LATS1: variants seen among roughly 807,000 people sequenced by gnomAD.
LATS1 encodes serine/threonine-protein kinase LATS1.
A neutral mutation model predicts 106.6 loss-of-function variants in LATS1; 25 were observed. The ratio of observed to expected loss-of-function variants is 0.23; its 90% CI spans 0.17 to 0.33. LATS1 has a LOEUF of 0.33. Ranked by LOEUF, LATS1 falls within the 10% of genes least tolerant of loss-of-function variation. The probability of loss-of-function intolerance (pLI) is 1.00; values close to 1 mark genes in which losing one functional copy is unlikely to be tolerated. For synonymous variants in LATS1, 465 were observed against 455.6 expected (o/e 1.02, Z -0.26); for missense variants, 1,040 against 1,382.6 (o/e 0.75, Z 3.93).
rs199594544 is a variant in LATS1 at position 149,676,638 on chromosome 6, G to A, written c.2693C>T (p.Ala898Val). ...TAGACATCGCTGGTGCTGGCGTGCA[G>A]CTCTCCGCTCTAATGGCTTCAGTCT... ...GDRLKPLERR[A>V]ARQHQRCLAH... The change falls in exon 6 of 8, where the codon GCT becomes GTT. Residue 898 changes from alanine (A) to valine (V), a missense_variant. Around this residue, in one of 7 missense-constraint regions of LATS1, gnomAD observed 63 missense variants for 64.3 expected, o/e 0.98. Coordinates refer to ENST00000543571, the MANE Select transcript of LATS1 (RefSeq NM_004690.4). 43 of 1,613,984 alleles carry A rather than the reference G, an allele frequency of 2.7e-5. No individual in the cohort carries two copies. The highest frequency in any genetic ancestry group is 4.0e-5 in the African/African-American group (3 of 74,934).
chr6:149,669,209 C>G (rs1317052018), intron 7 of LATS1, among the ~76,000 whole-genome samples: 1 of 151,864 alleles, frequency 6.6e-6, no homozygotes, highest in Non-Finnish European at 1.5e-5. Context: ...TCTCGGCTCA[C>G]TTCAAGCTCT....
chr6:149,708,275 C>T (rs965875911), intron 1 of LATS1, among the ~76,000 whole-genome samples: 5 of 152,016 alleles, frequency 3.3e-5, no homozygotes, highest in East Asian at 1.9e-4. Flanking sequence ...ATTAGCCGAG[C>T]GTGGTGGCAG....
chr6:149,676,787 C>T, intron 5 of LATS1, 50 bp from the exon 6 acceptor site: 1 of 1,502,456 alleles, frequency 6.7e-7, no homozygotes, highest in Non-Finnish European at 9.1e-7. Flanking sequence ...CAACAGTAAA[C>T]CTGAAGTCTA....
intron 1 of LATS1, among the ~76,000 whole-genome samples, chr6:149,710,647 T>C (rs557719027): frequency 8.5e-5 from 13 of 152,318 alleles, no homozygotes; most frequent in African/African-American, 3.1e-4. Flanking sequence ...AGGAAACAGA[T>C]ACCGGAGGCT....
chr6:149,697,132 T>A (rs780464568), intron 2 of LATS1: 1 of 1,347,386 alleles, frequency 7.4e-7, no homozygotes, highest in African/African-American at 1.5e-5. Context: ...CATTTTTAAA[T>A]GAGAAATGGC....
At chr6:149,696,327 G>A (rs1783062806) in intron 2 of LATS1, among the ~76,000 whole-genome samples, 1 of 150,648 alleles carries the variant, frequency 6.6e-6, no homozygotes, top group Non-Finnish European at 1.5e-5. Flanking sequence ...CCAGCACTCT[G>A]GGAGGCCGAG....
chr6:149,673,132 T>C (rs1455236442), intron 7 of LATS1, among the ~76,000 whole-genome samples: 1 of 148,996 alleles, frequency 6.7e-6, no homozygotes, highest in Non-Finnish European at 1.5e-5. Context: ...GATCTTACTC[T>C]ATTACCCAGG....
chr6:149,676,042 G>A (rs1781703652), intron 7 of LATS1: 1 of 495,818 alleles, frequency 2.0e-6, no homozygotes, highest in South Asian at 2.4e-5. Context: ...TTGTAGAGAT[G>A]TGGTCTCACA....
chr6:149,710,734 T>C (rs1213480831), intron 1 of LATS1, among the ~76,000 whole-genome samples: 1 of 152,226 alleles, frequency 6.6e-6, no homozygotes, highest in Non-Finnish European at 1.5e-5. Flanking sequence ...TTCATACAAC[T>C]ACAAGGTCAG....
Position 149,683,677 on chromosome 6 carries a change from T to C in LATS1, c.1412A>G (p.Asn471Ser), listed in dbSNP as rs1782188202. 6 of 1,614,074 alleles carry C rather than the reference T, an allele frequency of 3.7e-6. No homozygotes were observed. The highest frequency in any genetic ancestry group is 2.2e-5 in the East Asian group (1 of 44,890). The change falls in exon 4 of 8, where the codon AAT becomes AGT. Residue 471 changes from asparagine to serine, a missense_variant. Around this residue, in one of 7 missense-constraint regions of LATS1, gnomAD observed 624 missense variants for 714.8 expected, o/e 0.87. Transcript: ENST00000543571. Reference sequence around the variant, plus strand: ...AGAATTAGCAGAGTGACTTGCTCTATTTCCTAATGGGTTATTAAAAGAATT... The same window carrying C: ...AGAATTAGCAGAGTGACTTGCTCTACTTCCTAATGGGTTATTAAAAGAATT... The part of the protein sequence containing the change: ...RSNSFNNPLG[N>S]RASHSANSQP...
chr6:149,676,729 G>A lies in LATS1; in HGVS notation c.2602C>T (p.Pro868Ser), dbSNP rs572447971. ...DSKYYQSGDH[P>S]RQDSMDFSNE... ...CTGAAATCCATGCTATCTTGCCGTG[G>A]ATGGTCACCTGCACAACAAAAGAAT... The change falls in exon 6 of 8, where the codon CCA (proline) becomes TCA (serine). Residue 868 changes from proline to serine, a missense_variant. By Grantham distance (74) the Pro-to-Ser change is moderately conservative (BLOSUM62 -1). Coordinates refer to ENST00000543571, the MANE Select transcript of LATS1 (RefSeq NM_004690.4). 1.1e-5 allele frequency: 17 copies of A among 1,611,498 alleles called. No homozygotes were observed. In the Admixed American group the frequency reaches 2.5e-4, roughly 24 times the overall value.
At chr6:149,682,286 T>C (rs1048646931) in intron 4 of LATS1, among the ~76,000 whole-genome samples, 1 of 152,138 alleles carries the variant, frequency 6.6e-6, no homozygotes, top group Non-Finnish European at 1.5e-5. Context: ...AAGGGAGATA[T>C]AACTGAAGGA....
intron 2 of LATS1, chr6:149,697,023 C>T: frequency 1.6e-6 from 1 of 616,738 alleles, no homozygotes. Flanking sequence ...TTTATATAAA[C>T]ATAAATCACT....
At chr6:149,706,836 C>T (rs1322267212) in intron 1 of LATS1, among the ~76,000 whole-genome samples, 2 of 152,046 alleles carry the variant, frequency 1.3e-5, no homozygotes, top group East Asian at 1.9e-4. Flanking sequence ...TGATTTTAGA[C>T]GTCTGGCCTC....
chr6:149,701,063 G>A (rs555392564), intron 2 of LATS1, among the ~76,000 whole-genome samples: 2 of 152,270 alleles, frequency 1.3e-5, no homozygotes, highest in South Asian at 2.1e-4. Flanking sequence ...GATTACAGGC[G>A]TGAGCCACTG....
chr6:149,709,837 C>A (rs1021236594), intron 1 of LATS1, among the ~76,000 whole-genome samples: 1 of 151,558 alleles, frequency 6.6e-6, no homozygotes, highest in Non-Finnish European at 1.5e-5. Context: ...TACCATGCCT[C>A]GCTAATTTTT....
At chr6:149,715,414 TTCC>T (rs1784330997) in intron 1 of LATS1, among the ~76,000 whole-genome samples, 1 of 152,178 alleles carries the variant, frequency 6.6e-6, no homozygotes, top group South Asian at 2.1e-4. Flanking sequence ...ATTTAGGTTG[TTCC>T]TCATTTTTTT....
In LATS1 at chr6:149,658,845, G is replaced by T. The variant is rs1318609735; in HGVS notation, c.*2884C>A. Reference sequence around the variant, plus strand: ...CAGTATCTACAATTACATAATTATAGAACACATCTTATAAATACTATTGAT... The same window carrying T: ...CAGTATCTACAATTACATAATTATATAACACATCTTATAAATACTATTGAT... On this transcript the variant is annotated 3_prime_UTR_variant, in exon 8 of 8. Coordinates refer to ENST00000543571, the MANE Select transcript of LATS1 (RefSeq NM_004690.4). 6.6e-6 allele frequency: 1 copy of T among 152,030 alleles called. No individual in the cohort carries two copies. The highest frequency in any genetic ancestry group is 6.6e-5 in the Admixed American group (1 of 15,256). The allele number at this position is 152,030 out of a possible 1,614,324, so 9.4% of individuals were successfully genotyped here.
intron 1 of LATS1, among the ~76,000 whole-genome samples, chr6:149,711,913 GGTGA>G (rs1472078254): frequency 7.9e-5 from 12 of 152,040 alleles, no homozygotes; most frequent in South Asian, 2.1e-4. Flanking sequence ...TGTGTACTGC[GGTGA>G]GTGAGTAAGG....
Sources: allele counts gnomAD v4.1 joint callset (sites outside exome capture counted in the v4.1 genomes callset), GRCh38; gene constraint gnomAD v4.1.1; regional missense constraint gnomAD v4.1.1; transcripts MANE v1.5; gene names NCBI Gene and HGNC (gene_info 2026-07-23, HGNC 2026-07-21).